Variants in KIRREL3 observed in about 807,000 individuals in gnomAD.
KIRREL3 encodes the protein kirre like nephrin family adhesion molecule 3.
KIRREL3 carries 36 observed loss-of-function variants against 89.7 expected under a neutral mutation model. That is an observed-to-expected ratio of 0.40 (90% confidence interval 0.31 to 0.53). The LOEUF (loss-of-function observed/expected upper bound fraction) is 0.53, where lower values mean the gene tolerates loss of function less well. KIRREL3 is among the 20% of genes least tolerant of loss of function. KIRREL3 has a pLI of 0.49. For missense variants in KIRREL3, 864 were observed against 1,056.6 expected, an observed-to-expected ratio of 0.82 and a Z score of 2.53; for synonymous variants, 445 against 441.4, an observed-to-expected ratio of 1.01 and a Z score of -0.10.
chr11:126,886,042 T>A (rs1945682960), intron 1 of KIRREL3, among the ~76,000 whole-genome samples: 2 of 152,240 alleles, frequency 1.3e-5, no homozygotes, highest in African/African-American at 4.8e-5. Flanking sequence ...TCTAGCTCAA[T>A]GTCTTGACTC....
intron 1 of KIRREL3, among the ~76,000 whole-genome samples, chr11:126,819,188 T>C (rs937058803): frequency 3.9e-5 from 6 of 152,126 alleles, no homozygotes; most frequent in African/African-American, 1.4e-4. Flanking sequence ...CCTAGCATGC[T>C]GGGCAGCCTG....
chr11:126,616,184 T>A (rs997887778), intron 1 of KIRREL3, among the ~76,000 whole-genome samples: 3 of 152,260 alleles, frequency 2.0e-5, no homozygotes, highest in Admixed American at 2.0e-4. Flanking sequence ...ATTACTGAGA[T>A]GGCGTTGCCC....
chr11:126,450,776 G>T (rs1246829294), intron 7 of KIRREL3, among the ~76,000 whole-genome samples: 1 of 142,538 alleles, frequency 7.0e-6, no homozygotes, highest in African/African-American at 2.6e-5. Context: ...CATGTGTGAG[G>T]GTGTGCATCT....
intron 1 of KIRREL3, among the ~76,000 whole-genome samples, chr11:126,585,871 C>T (rs1423812550): frequency 6.6e-6 from 1 of 152,240 alleles, no homozygotes; most frequent in Admixed American, 6.5e-5. Flanking sequence ...CCGCACGGAA[C>T]GTGATTGGAG....
Position 126,430,718 on chromosome 11 carries a change from G to A in KIRREL3, c.1696+701C>T, listed in dbSNP as rs1481377771. On this transcript the variant is annotated intron_variant, in intron 14 of 16. Coordinates refer to ENST00000525144, the MANE Select transcript of KIRREL3 (RefSeq NM_032531.4). This position sits in a 1 kb window ranked among gnomAD's most constrained non-coding sequence, Gnocchi z 6.6. ...TTATATAATGTTAGTGCCAGATGGG[G>A]CCATCAGAGTCATATCCTCATTATA... 1.3e-5 allele frequency among the ~76,000 whole-genome samples: 2 copies of A among 152,118 alleles called. No individual in the cohort carries two copies. The highest frequency in any genetic ancestry group is 2.9e-5 in the Non-Finnish European group (2 of 68,028).
rs142678833 is a variant in KIRREL3 at position 126,758,739 on chromosome 11, A to G, written c.56-195827T>C. 3.9e-5 allele frequency among the ~76,000 whole-genome samples: 6 copies of G among 152,334 alleles called. No individual in the cohort carries two copies. In the East Asian group the frequency reaches 1.2e-3, roughly 29 times the overall value. On this transcript the variant is annotated intron_variant, in intron 1 of 16. Coordinates refer to ENST00000525144, the MANE Select transcript of KIRREL3 (RefSeq NM_032531.4). ...CAGTGTCAGTGCATACAGAACTATT[A>G]TTTACCAGTGTCAAAAATAACTATC...
intron 1 of KIRREL3, among the ~76,000 whole-genome samples, chr11:126,632,540 C>T (rs1166132500): frequency 6.6e-6 from 1 of 152,210 alleles, no homozygotes; most frequent in East Asian, 1.9e-4. Context: ...AATAATGTAA[C>T]TTTATTACTT....
chr11:126,678,328 T>C (rs1946289568), intron 1 of KIRREL3, among the ~76,000 whole-genome samples: 1 of 152,040 alleles, frequency 6.6e-6, no homozygotes, highest in Admixed American at 6.5e-5. Flanking sequence ...GGGTCAGGCG[T>C]GGTGGCTCAC....
At chr11:126,592,344 C>A (rs1942177207) in intron 1 of KIRREL3, among the ~76,000 whole-genome samples, 1 of 152,108 alleles carries the variant, frequency 6.6e-6, no homozygotes, top group African/African-American at 2.4e-5. Flanking sequence ...AGGTCTGAAT[C>A]CTTATAACAA....
chr11:126,457,209 G>GTGTT (rs71048790), intron 6 of KIRREL3, among the ~76,000 whole-genome samples: 1 of 127,590 alleles, frequency 7.8e-6, no homozygotes, highest in Non-Finnish European at 1.7e-5. Context: ...GTGTGTGTGT[G>GTGTT]TATGTGTATG....
chr11:126,813,447 G>T (rs1384646122), intron 1 of KIRREL3, among the ~76,000 whole-genome samples: 3 of 152,142 alleles, frequency 2.0e-5, no homozygotes, highest in Non-Finnish European at 4.4e-5. Flanking sequence ...CTGCCAAGAT[G>T]ATATTTTTGG....
intron 1 of KIRREL3, among the ~76,000 whole-genome samples, chr11:126,972,478 G>A (rs1021358096): frequency 8.5e-5 from 13 of 152,192 alleles, no homozygotes; most frequent in Non-Finnish European, 1.9e-4. Context: ...TCCAGGCCCA[G>A]CCACAGGACT....
At chr11:126,803,565 T>A (rs1029689197) in intron 1 of KIRREL3, among the ~76,000 whole-genome samples, 3 of 152,176 alleles carry the variant, frequency 2.0e-5, no homozygotes, top group East Asian at 3.9e-4. Context: ...GTTAATAAAA[T>A]ACACAAATTA....
rs1958517049 is a variant in KIRREL3 at position 126,519,346 on chromosome 11, C to A, written c.433+1969G>T. On this transcript the variant is annotated intron_variant, in intron 4 of 16. Coordinates refer to ENST00000525144, the MANE Select transcript of KIRREL3 (RefSeq NM_032531.4). This position sits in a 1 kb window ranked among gnomAD's most constrained non-coding sequence, Gnocchi z 4.3. ...GGCAAAGAGCTTGGAGCTGAAAAAT[C>A]TGGAGTTGATTTTGAAGGTTAATTA... is the stretch of plus-strand genomic sequence containing the variant. 6.6e-6 allele frequency among the ~76,000 whole-genome samples: 1 copy of A among 152,236 alleles called. No individual in the cohort carries two copies. Among genetic ancestry groups the A allele is most frequent in the South Asian group, 2.1e-4 (1 of 4,832 alleles).
chr11:126,757,548 C>T (rs1949543992), intron 1 of KIRREL3, among the ~76,000 whole-genome samples: 1 of 152,060 alleles, frequency 6.6e-6, no homozygotes, highest in South Asian at 2.1e-4. Context: ...TGGGAAAGGG[C>T]TTGAGACCTA....
At chr11:126,573,282 G>A (rs190924501) in intron 1 of KIRREL3, among the ~76,000 whole-genome samples, 1 of 152,216 alleles carries the variant, frequency 6.6e-6, no homozygotes, top group South Asian at 2.1e-4. Flanking sequence ...TGGAAGGAGG[G>A]AGGGCTCTCC....
In KIRREL3 at chr11:126,782,669, A is replaced by G. The variant is rs1030272420; in HGVS notation, c.55+217786T>C. Among the ~76,000 whole-genome samples, 4 of 152,194 alleles carry G rather than the reference A, an allele frequency of 2.6e-5. No individual in the cohort carries two copies. The highest frequency in any genetic ancestry group is 9.6e-5 in the African/African-American group (4 of 41,462). ...TGGGAGGTTACAGATAAGCAAAAGG[A>G]GGGGGCTAGAATGATCCAGATCCAC... On this transcript the variant is annotated intron_variant, in intron 1 of 16. Coordinates refer to ENST00000525144, the MANE Select transcript of KIRREL3 (RefSeq NM_032531.4). This position sits in a 1 kb window ranked among gnomAD's most constrained non-coding sequence, Gnocchi z 4.1.
At chr11:126,726,747 T>G (rs569861960) in intron 1 of KIRREL3, among the ~76,000 whole-genome samples, 1 of 152,344 alleles carries the variant, frequency 6.6e-6, no homozygotes, top group South Asian at 2.1e-4. Context: ...ATCATTTCCC[T>G]TCTCCTAGCA....
chr11:126,765,813 G>C (rs536095106), intron 1 of KIRREL3, among the ~76,000 whole-genome samples: 113 of 152,282 alleles, frequency 7.4e-4, no homozygotes, highest in Admixed American at 2.6e-3. Context: ...GTGAAGAAAT[G>C]ATGACACCAG....
Sources: allele counts gnomAD v4.1 joint callset (sites outside exome capture counted in the v4.1 genomes callset), GRCh38; gene constraint gnomAD v4.1.1; non-coding constraint Gnocchi (gnomAD v3.1); transcripts MANE v1.5; gene names NCBI Gene and HGNC (gene_info 2026-07-23, HGNC 2026-07-21).